PCDHGA10: variants seen among roughly 807,000 people sequenced by gnomAD.
PCDHGA10 encodes the protein protocadherin gamma-A10.
A neutral mutation model predicts 59.5 loss-of-function variants in PCDHGA10; 42 were observed. The observed-to-expected ratio is 0.71, with a 90% CI of 0.55 to 0.91. The LOEUF is 0.91. Ranked by LOEUF, PCDHGA10 falls within the 40% of genes least tolerant of loss-of-function variation. The pLI, the probability that PCDHGA10 is intolerant of heterozygous loss-of-function variation, is 0.00. For missense variants in PCDHGA10, 1,111 were observed against 1,198.2 expected, an observed-to-expected ratio of 0.93 and a Z score of 1.07; for synonymous variants, 511 against 517.2, an observed-to-expected ratio of 0.99 and a Z score of 0.16.
intron 2 of PCDHGA10, among the ~76,000 whole-genome samples, chr5:141,501,942 C>T (rs1012840550): frequency 2.6e-5 from 4 of 152,136 alleles, no homozygotes; most frequent in Non-Finnish European, 4.4e-5. Context: ...CACCACTGCT[C>T]CCTGTGACAG....
Position 141,432,410 on chromosome 5 carries a change from T to C in PCDHGA10, c.2436+16799T>C. On this transcript the variant is annotated intron_variant, in intron 1 of 3. Transcript: ENST00000398610. This position sits in a 1 kb window ranked among gnomAD's most constrained non-coding sequence, Gnocchi z 6.0. The stretch of plus-strand genomic sequence containing the variant: ...CAGCAGCAACGTGTCGTTGAGCCTG[T>C]TCGTGCTGGACCAGAACGACAATGC... 6.2e-7 allele frequency: 1 copy of C among 1,614,228 alleles called. No homozygotes were observed. Among genetic ancestry groups the C allele is most frequent in the East Asian group, 2.2e-5 (1 of 44,884 alleles).
Position 141,414,518 on chromosome 5 carries a change from A to G in PCDHGA10, c.1343A>G (p.Asp448Gly), listed in dbSNP as rs746198767. ...GCTCACTTTATGCTACAAGTGGCAGATATCAATGACAACCCACCTACCTTC... is the reference window on the plus strand; with the variant it reads ...GCTCACTTTATGCTACAAGTGGCAGGTATCAATGACAACCCACCTACCTTC... ...TEAHFMLQVA[D>G]INDNPPTFSQ... The change falls in exon 1 of 4, where the codon GAT (aspartate) becomes GGT (glycine). Residue 448 changes from aspartate to glycine, a missense_variant. Asp to Gly is a moderately conservative substitution (Grantham distance 94). Transcript: ENST00000398610. 3 of 1,614,000 alleles carry G rather than the reference A, an allele frequency of 1.9e-6. No homozygotes were observed. The highest frequency in any genetic ancestry group is 2.5e-6 in the Non-Finnish European group (3 of 1,179,894).
At chr5:141,500,244 T>C (rs1426405294) in intron 2 of PCDHGA10, among the ~76,000 whole-genome samples, 1 of 151,640 alleles carries the variant, frequency 6.6e-6, no homozygotes, top group Non-Finnish European at 1.5e-5. Context: ...AGCCTTGCTC[T>C]GTCACCCAGG....
At chr5:141,462,335 A>G in intron 1 of PCDHGA10, among the ~76,000 whole-genome samples, 1 of 152,220 alleles carries the variant, frequency 6.6e-6, no homozygotes, top group East Asian at 1.9e-4. Context: ...ATTTAATTGT[A>G]TTGTGATCCA....
At position 141,486,190 on chromosome 5, in the gene PCDHGA10, T is replaced by A; in HGVS notation, c.2437-8617T>A. Reference sequence around the variant, plus strand: ...AGCAACATTGCAGCCTTCGAGTGGATCTGCTGGACGTAAATGACAATGCCC... The same window carrying A: ...AGCAACATTGCAGCCTTCGAGTGGAACTGCTGGACGTAAATGACAATGCCC... On this transcript the variant is annotated intron_variant, in intron 1 of 3. Transcript: ENST00000398610. The surrounding 1 kb of genome is among the most constrained non-coding windows in gnomAD (Gnocchi z 5.0). 1 of 1,614,122 alleles carries A rather than the reference T, an allele frequency of 6.2e-7. No individual in the cohort carries two copies. Among genetic ancestry groups the A allele is most frequent in the South Asian group, 1.1e-5 (1 of 91,070 alleles).
chr5:141,450,675 CG>C (rs2098689980), intron 1 of PCDHGA10, among the ~76,000 whole-genome samples: 1 of 151,614 alleles, frequency 6.6e-6, no homozygotes, highest in Non-Finnish European at 1.5e-5. Flanking sequence ...TTAGTAGAAA[CG>C]GGGTTTTGCC....
intron 3 of PCDHGA10, among the ~76,000 whole-genome samples, chr5:141,508,528 C>T (rs2099869454): frequency 6.6e-6 from 1 of 152,186 alleles, no homozygotes; most frequent in Admixed American, 6.5e-5. Context: ...AACCTCAGGG[C>T]ACCCCCCACG....
chr5:141,438,392 A>C (rs2097958012), intron 1 of PCDHGA10, among the ~76,000 whole-genome samples: 1 of 151,714 alleles, frequency 6.6e-6, no homozygotes, highest in African/African-American at 2.4e-5. Context: ...TTAGTTCATC[A>C]TTAACTCTCT....
At chr5:141,419,977 G>A (rs962684463) in intron 1 of PCDHGA10, 1 of 1,614,066 alleles carries the variant, frequency 6.2e-7, no homozygotes, top group Non-Finnish European at 8.5e-7. Context: ...TTCTCCTCGC[G>A]GTGATTCTAG....
chr5:141,493,935 C>T lies in PCDHGA10; in HGVS notation c.2437-872C>T, dbSNP rs1317863228. Among the ~76,000 whole-genome samples the T allele has an allele frequency of 6.6e-6, 1 of 152,158 alleles. No homozygotes were observed. Among genetic ancestry groups the T allele is most frequent in the Non-Finnish European group, 1.5e-5 (1 of 68,020 alleles). On this transcript the variant is annotated intron_variant, in intron 1 of 3. Coordinates refer to ENST00000398610, the MANE Select transcript of PCDHGA10 (RefSeq NM_018913.3). This position sits in a 1 kb window ranked among gnomAD's most constrained non-coding sequence, Gnocchi z 4.3. Reference sequence around the variant, plus strand: ...TGGGATAACACACCCCCTGGAAAGACCAGAAGGGACTCAGGAATGAAGTGG... The same window carrying T: ...TGGGATAACACACCCCCTGGAAAGATCAGAAGGGACTCAGGAATGAAGTGG...
At chr5:141,421,407 G>T in intron 1 of PCDHGA10, 1 of 1,614,076 alleles carries the variant, frequency 6.2e-7, no homozygotes. Flanking sequence ...CCCGGGAGCT[G>T]GCGAAGCGCG....
intron 1 of PCDHGA10, among the ~76,000 whole-genome samples, chr5:141,456,306 G>A (rs937409031): frequency 4.6e-5 from 7 of 152,158 alleles, no homozygotes; most frequent in Admixed American, 2.6e-4. Context: ...GAGAACAGCA[G>A]CTAGGGCTCC....
intron 2 of PCDHGA10, among the ~76,000 whole-genome samples, chr5:141,500,027 G>C (rs1458308566): frequency 6.6e-6 from 1 of 151,808 alleles, no homozygotes; most frequent in Non-Finnish European, 1.5e-5. Flanking sequence ...ATATTTGAGT[G>C]AGTGTCTCTT....
At chr5:141,415,686 G>A in intron 1 of PCDHGA10, 75 bp downstream of exon 1, 2 of 1,535,424 alleles carry the variant, frequency 1.3e-6, no homozygotes, top group Non-Finnish European at 1.8e-6. Context: ...GCGGCATGAT[G>A]GTGGAAAGTG....
At chr5:141,462,203 G>T (rs544238255) in intron 1 of PCDHGA10, among the ~76,000 whole-genome samples, 2 of 152,036 alleles carry the variant, frequency 1.3e-5, no homozygotes, top group African/African-American at 4.8e-5. Flanking sequence ...CAGGTGATCC[G>T]CCTGCCTCGG....
In PCDHGA10 at chr5:141,415,026, G is replaced by A; in HGVS notation, c.1851G>A (p.Glu617=). ...CCTACCGTCTGCTCAAGGCCAGCGA[G>A]CCGGGACTCTTCGCGGTGGGGGAGC... ...WLSYRLLKAS[E]PGLFAVGEHT... Residue 617 remains glutamate, a synonymous_variant, in exon 1 of 4, where the codon GAG becomes GAA. Transcript: ENST00000398610. 6.2e-7 allele frequency: 1 copy of A among 1,613,590 alleles called. No individual in the cohort carries two copies. The highest frequency in any genetic ancestry group is 8.5e-7 in the Non-Finnish European group (1 of 1,179,992).
At chr5:141,492,822 C>T (rs1241767956) in intron 1 of PCDHGA10, among the ~76,000 whole-genome samples, 1 of 152,238 alleles carries the variant, frequency 6.6e-6, no homozygotes, top group Non-Finnish European at 1.5e-5. Context: ...GCACCAGCGG[C>T]CCCTTCCTCC....
chr5:141,478,758 T>C (rs1333135263), intron 1 of PCDHGA10: 2 of 1,515,540 alleles, frequency 1.3e-6, no homozygotes, highest in South Asian at 1.3e-5. Flanking sequence ...AGGGGGAAGA[T>C]ACTTGACTCA....
At chr5:141,438,366 G>A (rs749623408) in intron 1 of PCDHGA10, among the ~76,000 whole-genome samples, 6 of 151,462 alleles carry the variant, frequency 4.0e-5, no homozygotes, top group Non-Finnish European at 7.4e-5. Context: ...TTGTCATTGA[G>A]GGCAGATATA....
Sources: gnomAD v4.1 joint callset for allele counts (sites outside exome capture counted in the v4.1 genomes callset) on GRCh38, gnomAD v4.1.1 for gene constraint, Gnocchi (gnomAD v3.1) non-coding constraint, MANE v1.5 for transcripts, NCBI Gene and HGNC (gene_info 2026-07-23, HGNC 2026-07-21) for gene names.